CALN1: variants seen among roughly 807,000 people sequenced by gnomAD.
CALN1 encodes the protein calneuron 1.
Under a neutral mutation model 30.6 loss-of-function variants are expected in CALN1, and 17 were observed. The observed-to-expected ratio is 0.56, with a 90% CI of 0.38 to 0.83. The LOEUF is 0.83. CALN1 is among the 40% of genes least tolerant of loss of function. CALN1 has a pLI of 0.00. For missense variants in CALN1, 291 were observed against 354.9 expected, an observed-to-expected ratio of 0.82 and a Z score of 1.45; for synonymous variants, 156 against 131.4, an observed-to-expected ratio of 1.19 and a Z score of -1.28.
chr7:71,871,260 C>A (rs996582056), intron 5 of CALN1, among the ~76,000 whole-genome samples: 1 of 152,292 alleles, frequency 6.6e-6, no homozygotes, highest in Non-Finnish European at 1.5e-5. Flanking sequence ...AATAAAAGAG[C>A]TTTAAAAAAA....
intron 5 of CALN1, among the ~76,000 whole-genome samples, chr7:71,824,610 G>C (rs956058061): frequency 3.9e-5 from 6 of 152,126 alleles, no homozygotes; most frequent in African/African-American, 1.2e-4. Flanking sequence ...TTCCTGCCCA[G>C]ATTTGTGAGC....
intron 2 of CALN1, among the ~76,000 whole-genome samples, chr7:72,306,384 C>T (rs990307260): frequency 1.3e-5 from 2 of 152,134 alleles, no homozygotes; most frequent in Admixed American, 6.5e-5. Context: ...CTGTCTCTAA[C>T]GGCAGCCACT....
At chr7:72,033,840 G>A (rs1801611138) in intron 4 of CALN1, among the ~76,000 whole-genome samples, 2 of 152,298 alleles carry the variant, frequency 1.3e-5, no homozygotes, top group South Asian at 2.1e-4. Context: ...GGGACAGTAT[G>A]AAGGTTAGAC....
intron 4 of CALN1, among the ~76,000 whole-genome samples, chr7:72,053,444 T>A (rs1225539899): frequency 6.6e-6 from 1 of 152,144 alleles, no homozygotes; most frequent in Admixed American, 6.5e-5. Context: ...GAGTGCTGGG[T>A]TGAATGGCAG....
chr7:72,187,527 G>A (rs777579393), intron 3 of CALN1, among the ~76,000 whole-genome samples: 6 of 152,096 alleles, frequency 3.9e-5, no homozygotes, highest in Non-Finnish European at 7.4e-5. Flanking sequence ...CTGCACGTGC[G>A]AGGGATCTAG....
intron 5 of CALN1, among the ~76,000 whole-genome samples, chr7:71,859,789 G>T (rs1277586835): frequency 4.6e-5 from 7 of 152,202 alleles, no homozygotes; most frequent in Non-Finnish European, 1.0e-4. Flanking sequence ...CGGTGTCAGA[G>T]GCGTGGGTAC....
chr7:71,811,146 C>T (rs1787931819), intron 5 of CALN1, among the ~76,000 whole-genome samples: 1 of 152,062 alleles, frequency 6.6e-6, no homozygotes, highest in South Asian at 2.1e-4. Flanking sequence ...ATCCGCCCGC[C>T]TCGGCCTCCC....
At chr7:72,077,951 TGA>T (rs1804861970) in intron 4 of CALN1, among the ~76,000 whole-genome samples, 1 of 152,088 alleles carries the variant, frequency 6.6e-6, no homozygotes, top group South Asian at 2.1e-4. Context: ...TGTCAAACGC[TGA>T]GAGAGGAGCA....
At chr7:71,989,166 G>A (rs1798822334) in intron 5 of CALN1, among the ~76,000 whole-genome samples, 2 of 152,122 alleles carry the variant, frequency 1.3e-5, no homozygotes, top group South Asian at 2.1e-4. Context: ...GGCTGGGCAC[G>A]GTGGCTCATA....
rs144800550 is a variant in CALN1 at position 72,411,979 on chromosome 7, C to A, written c.-74+79G>T. The A allele has an allele frequency of 1.3e-3, 197 of 152,276 alleles. 1 individual carries two copies. The highest frequency in any genetic ancestry group is 4.5e-3 in the African/African-American group (186 of 41,552). 9.4% of individuals were successfully genotyped at this position (152,276 alleles called of 1,614,324 possible). A position where few individuals can be genotyped will look rare whatever the true frequency, so the allele number is the denominator to read the frequency against. ...AACTTGTCTCCAGACTATGAAAGTA[C>A]CCAGATGGCTCCCAAACCTGGCCCA... On this transcript the variant is annotated intron_variant, in intron 1 of 6. Coordinates refer to ENST00000395275, the MANE Select transcript of CALN1 (RefSeq NM_031468.4).
intron 2 of CALN1, among the ~76,000 whole-genome samples, chr7:72,279,931 T>C (rs1369026880): frequency 6.6e-6 from 1 of 152,144 alleles, no homozygotes; most frequent in Non-Finnish European, 1.5e-5. Context: ...GAGAACATCT[T>C]TGTATCGGAG....
intron 3 of CALN1, among the ~76,000 whole-genome samples, chr7:72,147,481 G>GTGGAGAAATAGGAAC (rs1563097906): frequency 3.0e-5 from 3 of 100,824 alleles, no homozygotes; most frequent in African/African-American, 1.1e-4. Flanking sequence ...TGTTGGAGAG[G>GTGGAGAAATAGGAAC]ACTGTTACAC....
At chr7:72,391,527 T>C (rs1041474449) in intron 2 of CALN1, among the ~76,000 whole-genome samples, 1 of 152,160 alleles carries the variant, frequency 6.6e-6, no homozygotes, top group African/African-American at 2.4e-5. Flanking sequence ...ATAATTTGGC[T>C]ATGTCCCCAC....
chr7:71,922,368 C>G (rs986596267), intron 5 of CALN1, among the ~76,000 whole-genome samples: 4 of 151,154 alleles, frequency 2.6e-5, no homozygotes, highest in Non-Finnish European at 5.9e-5. Context: ...AAGCTGAGAC[C>G]TATAGGACTA....
chr7:71,997,217 A>C (rs1023309586), intron 5 of CALN1, among the ~76,000 whole-genome samples: 2 of 151,730 alleles, frequency 1.3e-5, no homozygotes, highest in Non-Finnish European at 2.9e-5. Flanking sequence ...TGGGCTACAG[A>C]GCAAGATCCT....
intron 3 of CALN1, among the ~76,000 whole-genome samples, chr7:72,203,696 C>T (rs932721948): frequency 1.1e-4 from 16 of 152,132 alleles, no homozygotes; most frequent in African/African-American, 3.6e-4. Flanking sequence ...GGATGCTGTA[C>T]GAAAATTAAT....
At chr7:72,218,347 C>A (rs547077719) in intron 3 of CALN1, among the ~76,000 whole-genome samples, 2 of 152,100 alleles carry the variant, frequency 1.3e-5, no homozygotes, top group African/African-American at 4.8e-5. Context: ...ACTCAGGAAG[C>A]TAAGGCAGGA....
intron 3 of CALN1, among the ~76,000 whole-genome samples, chr7:72,171,720 G>C (rs1030597641): frequency 2.0e-5 from 3 of 152,086 alleles, no homozygotes; most frequent in Non-Finnish European, 2.9e-5. Context: ...TTTATTTTTA[G>C]CTTGAAAATA....
intron 3 of CALN1, among the ~76,000 whole-genome samples, chr7:72,121,307 TTAAG>T (rs995036340): frequency 7.0e-5 from 10 of 143,232 alleles, no homozygotes; most frequent in African/African-American, 2.5e-4. Flanking sequence ...AATTTATAAA[TTAAG>T]TGAATATATA....
Sources: gnomAD v4.1 joint callset for allele counts (sites outside exome capture counted in the v4.1 genomes callset) on GRCh38, gnomAD v4.1.1 for gene constraint, MANE v1.5 for transcripts, NCBI Gene and HGNC (gene_info 2026-07-23, HGNC 2026-07-21) for gene names.